The following DPH6 variants were observed in gnomAD, a reference collection of about 807,000 sequenced individuals.
DPH6 encodes the protein diphthamine biosynthesis 6, also known as diphthine--ammonia ligase.
In DPH6, 33 loss-of-function variants were observed where a neutral mutation model predicts 38.2. That is an observed-to-expected ratio of 0.86 (90% CI 0.65 to 1.15). The LOEUF (loss-of-function observed/expected upper bound fraction) is 1.15. DPH6 is among the 50% of genes most tolerant of loss of function. The probability of loss-of-function intolerance (pLI) is 0.00; values close to 1 mark genes in which losing one functional copy is unlikely to be tolerated. For missense variants in DPH6, 325 were observed against 320.0 expected (o/e 1.02, Z -0.12); for synonymous variants, 108 against 103.0 (o/e 1.05, Z -0.30).
At chr15:35,191,801 A>T in the DPH6 span, among the ~76,000 whole-genome samples, 1 of 152,196 alleles carries the variant, frequency 6.6e-6, no homozygotes, top group Admixed American at 6.5e-5. Flanking sequence ...CAATCTCAGT[A>T]ATGAGATACC....
intron 3 of DPH6, among the ~76,000 whole-genome samples, chr15:35,263,398 CTTTTTTTTTTTTT>C (rs757916530): frequency 4.0e-5 from 4 of 99,000 alleles, no homozygotes; most frequent in Non-Finnish European, 7.7e-5. Context: ...CATAATTAAT[CTTTTTTTTTTTTT>C]TTTTTTTTTT....
intron 5 of DPH6, among the ~76,000 whole-genome samples, chr15:35,428,362 G>A (rs1205305087): frequency 1.3e-5 from 2 of 151,928 alleles, no homozygotes; most frequent in East Asian, 3.9e-4. Flanking sequence ...ATCTAATGGA[G>A]GCAAATCTTC....
At position 35,436,506 on chromosome 15, in the gene DPH6, A is replaced by AAAAAAG. The variant is rs1244468652; in HGVS notation, c.505+14178_505+14179insCTTTTT. 5.5e-4 allele frequency among the ~76,000 whole-genome samples: 57 copies of AAAAAAG among 103,346 alleles called. 3 individuals carry two copies. The highest frequency in any genetic ancestry group is 2.3e-3 in the African/African-American group (57 of 24,720). The allele number at this position is 103,346 out of a possible 152,430, so 67.8% of individuals were successfully genotyped here. On this transcript the variant is annotated intron_variant, in intron 5 of 8. Coordinates refer to ENST00000256538, the MANE Select transcript of DPH6 (RefSeq NM_080650.4). ...AAACAAAACAAAACAAAACAAAACA[A>AAAAAAG]AACAAAACAAAAAAGGTTCTCTCCC...
intron 3 of DPH6, among the ~76,000 whole-genome samples, chr15:35,332,957 C>T (rs1323533985): frequency 2.0e-5 from 3 of 152,002 alleles, no homozygotes; most frequent in Non-Finnish European, 4.4e-5. Context: ...CAGTCCTCTT[C>T]CTTTGTTAAA....
intron 7 of DPH6, among the ~76,000 whole-genome samples, chr15:35,380,555 T>C (rs1241066126): frequency 6.6e-6 from 1 of 152,184 alleles, no homozygotes; most frequent in Non-Finnish European, 1.5e-5. Context: ...GCTTTTTTTT[T>C]CTGATTTGGT....
intron 6 of DPH6, among the ~76,000 whole-genome samples, chr15:35,393,301 T>C (rs1164879708): frequency 6.6e-6 from 1 of 152,014 alleles, no homozygotes; most frequent in African/African-American, 2.4e-5. Context: ...GGAGAGAAAA[T>C]GTAGTATCTC....
chr15:35,345,571 G>C lies in DPH6; in HGVS notation n.208-14494C>G, dbSNP rs546166252. 9.1e-4 allele frequency among the ~76,000 whole-genome samples: 138 copies of C among 151,878 alleles called. 1 individual carries two copies. The Middle Eastern group carries it at 0.01, about 11-fold the overall frequency. The stretch of plus-strand genomic sequence containing the variant: ...AATTTTCATGTGTTAAGTTAATCTT[G>C]CATCCCTAGAATAACCTAATTTGGA... On this transcript the variant is annotated intron_variant and non_coding_transcript_variant, in intron 3 of 3. Coordinates refer to the DPH6 transcript ENST00000558973.
chr15:35,146,548 A>T, the DPH6 span, among the ~76,000 whole-genome samples: 2 of 152,164 alleles, frequency 1.3e-5, no homozygotes, highest in Non-Finnish European at 2.9e-5. Context: ...TTATTTCAAC[A>T]TGATCTCATA....
intron 5 of DPH6, among the ~76,000 whole-genome samples, chr15:35,427,624 G>A (rs556663123): frequency 2.0e-5 from 3 of 151,848 alleles, no homozygotes; most frequent in African/African-American, 7.2e-5. Context: ...AGTCTATAAA[G>A]AGAACACTGT....
intron 3 of DPH6, among the ~76,000 whole-genome samples, chr15:35,515,032 T>TA (rs1389810573): frequency 7.2e-5 from 11 of 152,096 alleles, no homozygotes; most frequent in African/African-American, 2.2e-4. Flanking sequence ...AACTCAGTGT[T>TA]AAGTCTTTAA....
chr15:35,304,154 T>C (rs2052072461), intron 3 of DPH6, among the ~76,000 whole-genome samples: 1 of 152,102 alleles, frequency 6.6e-6, no homozygotes, highest in Non-Finnish European at 1.5e-5. Context: ...AACTGAATAA[T>C]ATAGGCTAGC....
At chr15:35,474,587 T>A (rs1317592466) in intron 3 of DPH6, among the ~76,000 whole-genome samples, 1 of 152,164 alleles carries the variant, frequency 6.6e-6, no homozygotes, top group Non-Finnish European at 1.5e-5. Context: ...CTTTTGGCTA[T>A]TCATTTTAGG....
At chr15:35,537,397 A>G (rs2055185583) in intron 3 of DPH6, among the ~76,000 whole-genome samples, 1 of 152,182 alleles carries the variant, frequency 6.6e-6, no homozygotes, top group African/African-American at 2.4e-5. Context: ...AATCTGCCTT[A>G]TATGAATCGA....
chr15:35,431,185 T>C (rs1265663959), intron 5 of DPH6, among the ~76,000 whole-genome samples: 1 of 152,188 alleles, frequency 6.6e-6, no homozygotes, highest in Admixed American at 6.5e-5. Context: ...GAAAAAAGCT[T>C]AACCAATGAA....
At chr15:35,381,988 T>G (rs1014129161) in intron 6 of DPH6, 72 bp from the exon 7 acceptor site, 4 of 1,070,616 alleles carry the variant, frequency 3.7e-6, no homozygotes, top group Non-Finnish European at 5.6e-6. Context: ...TCTTATCTGG[T>G]ACTAAAAAAT....
intron 3 of DPH6, among the ~76,000 whole-genome samples, chr15:35,230,278 G>A (rs536833421): frequency 1.3e-5 from 2 of 152,276 alleles, no homozygotes; most frequent in South Asian, 2.1e-4. Context: ...CAAAGGCAGA[G>A]GAGCCTCACC....
At chr15:35,282,573 A>G (rs1229768329) in intron 3 of DPH6, 2 of 322,480 alleles carry the variant, frequency 6.2e-6, no homozygotes, top group Admixed American at 3.3e-5. Context: ...TCAGATCTCA[A>G]TGAGGCTGGG....
chr15:35,165,253 T>C, the DPH6 span, among the ~76,000 whole-genome samples: 1 of 151,930 alleles, frequency 6.6e-6, no homozygotes, highest in Non-Finnish European at 1.5e-5. Flanking sequence ...CTTATTAATC[T>C]ATGTGCCCCA....
chr15:35,467,403 T>C (rs1018643804), intron 3 of DPH6, among the ~76,000 whole-genome samples: 1 of 151,962 alleles, frequency 6.6e-6, no homozygotes, highest in African/African-American at 2.4e-5. Flanking sequence ...CCATCTCTAC[T>C]AAAAATACAA....
Sources: gnomAD v4.1 joint callset for allele counts (sites outside exome capture counted in the v4.1 genomes callset) on GRCh38, gnomAD v4.1.1 for gene constraint, MANE v1.5 for transcripts, NCBI Gene and HGNC (gene_info 2026-07-23, HGNC 2026-07-21) for gene names.